THSD7B: variants seen among roughly 807,000 people sequenced by gnomAD.
THSD7B encodes the protein thrombospondin type-1 domain-containing protein 7B.
Under a neutral mutation model 213.6 loss-of-function variants are expected in THSD7B, and 138 were observed. That is an observed-to-expected ratio of 0.65 (90% CI 0.56 to 0.74). The LOEUF (loss-of-function observed/expected upper bound fraction) is 0.74. THSD7B is among the 30% of genes least tolerant of loss of function. THSD7B has a pLI of 0.00. For synonymous variants in THSD7B, 742 were observed against 687.0 expected (o/e 1.08, Z -1.25); for missense variants, 1,931 against 1,991.5 (o/e 0.97, Z 0.58).
At chr2:137,609,423 A>C (rs533131018) in intron 17 of THSD7B, among the ~76,000 whole-genome samples, 1 of 152,330 alleles carries the variant, frequency 6.6e-6, no homozygotes, top group South Asian at 2.1e-4. Flanking sequence ...ACCAGAAGCA[A>C]ATAAAGCAGC....
At chr2:137,542,986 G>T (rs1243073350) in intron 15 of THSD7B, among the ~76,000 whole-genome samples, 1 of 151,740 alleles carries the variant, frequency 6.6e-6, no homozygotes, top group East Asian at 1.9e-4. Context: ...GAGGTGAAAA[G>T]ATCAAAACGG....
intron 12 of THSD7B, among the ~76,000 whole-genome samples, chr2:137,277,676 T>C (rs1381209250): frequency 6.6e-6 from 1 of 151,998 alleles, no homozygotes; most frequent in Non-Finnish European, 1.5e-5. Context: ...GGAAAGTAAA[T>C]GGAGATATGG....
chr2:137,067,686 A>T (rs1268365626), intron 3 of THSD7B, among the ~76,000 whole-genome samples: 3 of 152,098 alleles, frequency 2.0e-5, no homozygotes, highest in Non-Finnish European at 4.4e-5. Context: ...CAGGTAAGAC[A>T]GGAAGGCTAG....
intron 1 of THSD7B, among the ~76,000 whole-genome samples, chr2:136,855,002 A>G (rs1462277314): frequency 6.6e-6 from 1 of 152,112 alleles, no homozygotes; most frequent in Non-Finnish European, 1.5e-5. Context: ...ATTAGTCTCA[A>G]TGTGGTCTGC....
At chr2:137,633,002 T>C (rs1446276289) in intron 20 of THSD7B, among the ~76,000 whole-genome samples, 1 of 152,262 alleles carries the variant, frequency 6.6e-6, no homozygotes, top group African/African-American at 2.4e-5. Context: ...TATCTCTGGG[T>C]GTAGAATTAC....
At chr2:137,046,730 CAAAAAAA>C (rs59928985) in intron 2 of THSD7B, among the ~76,000 whole-genome samples, 15 of 44,326 alleles carry the variant, frequency 3.4e-4, no homozygotes, top group African/African-American at 7.6e-4. Flanking sequence ...AACTCCGTCT[CAAAAAAA>C]AAAAAAAAAA....
intron 15 of THSD7B, among the ~76,000 whole-genome samples, chr2:137,473,017 C>T (rs190416524): frequency 2.0e-5 from 3 of 151,764 alleles, no homozygotes; most frequent in African/African-American, 7.2e-5. Context: ...CTTATGGTTG[C>T]AGACACAAGT....
chr2:137,451,774 T>C (rs941031895), intron 15 of THSD7B, among the ~76,000 whole-genome samples: 8 of 152,144 alleles, frequency 5.3e-5, no homozygotes, highest in Non-Finnish European at 1.2e-4. Flanking sequence ...AGGACTGATA[T>C]TACATTAATC....
chr2:137,043,729 C>G (rs10496763), intron 2 of THSD7B, among the ~76,000 whole-genome samples: 92,797 of 151,994 alleles, frequency 0.61, 33,111 homozygotes, highest in Non-Finnish European at 0.78. Flanking sequence ...TATTACACCT[C>G]TTGTCTGAGA....
chr2:136,934,727 A>G (rs1422241141), intron 2 of THSD7B, among the ~76,000 whole-genome samples: 1 of 152,180 alleles, frequency 6.6e-6, no homozygotes. Flanking sequence ...GCCATTGTCA[A>G]CTTTAGAAAG....
intron 2 of THSD7B, among the ~76,000 whole-genome samples, chr2:137,024,178 T>C (rs1409968454): frequency 6.6e-6 from 1 of 152,194 alleles, no homozygotes; most frequent in Non-Finnish European, 1.5e-5. Context: ...TGTTTCTCTG[T>C]AGGTAACATT....
intron 12 of THSD7B, among the ~76,000 whole-genome samples, chr2:137,313,225 C>T (rs899164598): frequency 1.2e-4 from 18 of 152,078 alleles, no homozygotes; most frequent in Non-Finnish European, 2.5e-4. Context: ...GGATAGTTAG[C>T]TCTTCTTGTT....
At chr2:136,889,669 C>T (rs553684312) in intron 2 of THSD7B, among the ~76,000 whole-genome samples, 42 of 152,288 alleles carry the variant, frequency 2.8e-4, no homozygotes, top group Non-Finnish European at 5.0e-4. Flanking sequence ...CCCCAAGGCT[C>T]CATCTGATAT....
chr2:137,013,476 G>T (rs1174280380), intron 2 of THSD7B, among the ~76,000 whole-genome samples: 2 of 152,174 alleles, frequency 1.3e-5, no homozygotes, highest in African/African-American at 2.4e-5. Context: ...CAAGAAAGGA[G>T]AGAACTGCAC....
At chr2:137,184,664 G>A (rs889705620) in intron 7 of THSD7B, among the ~76,000 whole-genome samples, 1 of 152,052 alleles carries the variant, frequency 6.6e-6, no homozygotes, top group African/African-American at 2.4e-5. Flanking sequence ...TTGTCTATAT[G>A]TCATATGTCT....
intron 2 of THSD7B, among the ~76,000 whole-genome samples, chr2:136,959,159 C>T (rs1685177994): frequency 6.6e-6 from 1 of 152,186 alleles, no homozygotes; most frequent in African/African-American, 2.4e-5. Context: ...ATCCTCAGGC[C>T]AGCAGCTATT....
intron 1 of THSD7B, among the ~76,000 whole-genome samples, chr2:136,852,304 CAAACA>C (rs70975718): frequency 0.056 from 8,317 of 148,688 alleles, 291 homozygotes; most frequent in African/African-American, 0.087. Context: ...TGAAAGCTGG[CAAACA>C]AAACAAAACA....
intron 4 of THSD7B, among the ~76,000 whole-genome samples, chr2:137,097,290 A>G (rs1432228): frequency 0.28 from 43,115 of 152,064 alleles, 9,274 homozygotes; most frequent in African/African-American, 0.59. Context: ...TGTCAATGCT[A>G]AGAAAACTGA....
At chr2:137,590,543 A>T (rs1213455176) in intron 17 of THSD7B, among the ~76,000 whole-genome samples, 10 of 152,250 alleles carry the variant, frequency 6.6e-5, no homozygotes, top group Non-Finnish European at 1.2e-4. Context: ...GTATAAGTGG[A>T]TGAATTATTA....
Sources: allele counts gnomAD v4.1 joint callset (sites outside exome capture counted in the v4.1 genomes callset), GRCh38; gene constraint gnomAD v4.1.1; transcripts MANE v1.5; gene names NCBI Gene and HGNC (gene_info 2026-07-23, HGNC 2026-07-21).